Variants in NME5 observed in about 807,000 individuals in gnomAD.
NME5 encodes NME/NM23 family member 5, also known as nucleoside diphosphate kinase 5.
NME5 carries 18 observed loss-of-function variants against 21.6 expected under a neutral mutation model. The observed-to-expected ratio is 0.83, with a 90% CI of 0.58 to 1.24. The LOEUF (loss-of-function observed/expected upper bound fraction) is 1.24. NME5 is among the 50% of genes most tolerant of loss of function. The pLI, the probability that NME5 is intolerant of heterozygous loss-of-function variation, is 0.00. For synonymous variants in NME5, 70 were observed against 80.6 expected (o/e 0.87, Z 0.71); for missense variants, 223 against 255.4 (o/e 0.87, Z 0.86).
intron 4 of NME5, among the ~76,000 whole-genome samples, chr5:138,127,078 G>C (rs1308609710): frequency 6.6e-6 from 1 of 152,110 alleles, no homozygotes; most frequent in African/African-American, 2.4e-5. Flanking sequence ...CCAGTGTTTG[G>C]GGAGGCTGAG....
chr5:138,139,074 G>A (rs1751802127), intron 1 of NME5: 1 of 188,092 alleles, frequency 5.3e-6, no homozygotes, highest in African/African-American at 2.4e-5. Context: ...GCGACCCGAA[G>A]GCCTGGAACC....
intron 4 of NME5, among the ~76,000 whole-genome samples, chr5:138,119,918 T>A (rs1333887679): frequency 6.6e-6 from 1 of 151,198 alleles, no homozygotes; most frequent in African/African-American, 2.4e-5. Flanking sequence ...ACCTATCTTT[T>A]CATATTTTTA....
In NME5 at chr5:138,129,289, T is replaced by G. The variant is rs142506477; in HGVS notation, c.309A>C (p.Leu103Phe). 246 of 1,613,698 alleles carry G rather than the reference T, an allele frequency of 1.5e-4. 1 individual carries two copies. Among genetic ancestry groups the G allele is most frequent in the Admixed American group, 6.7e-5 (4 of 59,992 alleles). Residue 103 changes from leucine to phenylalanine, a missense_variant, in exon 3 of 6, where the codon TTA becomes TTC. Physicochemically the swap from Leu to Phe is conservative, Grantham distance 22. Transcript: ENST00000265191. ...WLELLGPNNSLVAKETHPDSL... is the reference protein window; with the variant it reads ...WLELLGPNNSFVAKETHPDSL... ...TGTCTGGATGTGTCTCCTTCGCTACTAAGCTATTATTTGGTCCCAAAAGTT... is the reference window on the plus strand; with the variant it reads ...TGTCTGGATGTGTCTCCTTCGCTACGAAGCTATTATTTGGTCCCAAAAGTT...
intron 4 of NME5, among the ~76,000 whole-genome samples, chr5:138,124,239 G>A (rs1034137759): frequency 1.3e-5 from 2 of 151,820 alleles, no homozygotes; most frequent in Non-Finnish European, 2.9e-5. Flanking sequence ...CTGACCTCAG[G>A]TGATCTGCCA....
chr5:138,129,527 T>C, intron 2 of NME5, 59 bp from the exon 3 acceptor site: 3 of 1,202,098 alleles, frequency 2.5e-6, no homozygotes, highest in South Asian at 2.5e-5. Context: ...GATAGCTCAT[T>C]AAAATCATTA....
rs78268440 is a variant in NME5, at chr5:138,128,191, C to T, written c.436+288G>A. ...AGATTGTGCCACTGCACTTCAGCGTCGGCGACAGTGAGACACTGTCTTAAA... is the reference window on the plus strand; with the variant it reads ...AGATTGTGCCACTGCACTTCAGCGTTGGCGACAGTGAGACACTGTCTTAAA... On this transcript the variant is annotated intron_variant, in intron 4 of 5. Coordinates refer to ENST00000265191, the MANE Select transcript of NME5 (RefSeq NM_003551.3). 8.2e-3 allele frequency among the ~76,000 whole-genome samples: 1,241 copies of T among 151,998 alleles called. 47 individuals are homozygous for T. The East Asian group carries it at 0.12, about 15-fold the overall frequency.
At chr5:138,138,882 T>C (rs945455257) in intron 1 of NME5, 97 bp from the exon 2 acceptor site, 1 of 1,133,820 alleles carries the variant, frequency 8.8e-7, no homozygotes, top group Non-Finnish European at 1.3e-6. Context: ...TAATTATGAT[T>C]AAGAATAGCA....
chr5:138,121,667 T>C (rs1416716542), intron 4 of NME5, among the ~76,000 whole-genome samples: 1 of 152,194 alleles, frequency 6.6e-6, no homozygotes, highest in Non-Finnish European at 1.5e-5. Flanking sequence ...TATCTTTATA[T>C]CACTGTCATA....
chr5:138,127,753 TGA>T, intron 4 of NME5: 1 of 856,496 alleles, frequency 1.2e-6, no homozygotes, highest in Non-Finnish European at 1.4e-6. Context: ...CTCAATTGCA[TGA>T]GACTTTGTTA....
At chr5:138,134,224 G>A (rs1751638945) in intron 2 of NME5, among the ~76,000 whole-genome samples, 1 of 151,110 alleles carries the variant, frequency 6.6e-6, no homozygotes, top group Non-Finnish European at 1.5e-5. Context: ...ACAGGCATGC[G>A]CCACCACGCC....
intron 2 of NME5, among the ~76,000 whole-genome samples, chr5:138,135,549 G>A (rs1751680404): frequency 6.6e-6 from 1 of 151,768 alleles, no homozygotes; most frequent in Admixed American, 6.6e-5. Context: ...TGGTCAGGCT[G>A]GTCTCCAACT....
intron 4 of NME5, among the ~76,000 whole-genome samples, chr5:138,126,548 AAAAGAAAG>A (rs999321617): frequency 1.3e-5 from 2 of 150,262 alleles, no homozygotes; most frequent in African/African-American, 4.9e-5. Context: ...AAAGAAAGCG[AAAAGAAAG>A]AAAATTACAG....
chr5:138,118,005 A>G (rs938733623), intron 5 of NME5, among the ~76,000 whole-genome samples: 12 of 152,216 alleles, frequency 7.9e-5, no homozygotes, highest in African/African-American at 2.9e-4. Flanking sequence ...ATAATAAATA[A>G]ATAAAACACA....
Position 138,129,329 on chromosome 5 carries a change from A to G in NME5, c.269T>C (p.Ile90Thr). Residue 90 changes from isoleucine to threonine, a missense_variant, in exon 3 of 6, where the codon ATC becomes ACC. Physicochemically the swap from Ile to Thr is moderately conservative, Grantham distance 89. Transcript: ENST00000265191. ...VAMILARHKAISYWLELLGPN... is the reference protein window; with the variant it reads ...VAMILARHKATSYWLELLGPN... ...TCCCAAAAGTTCTAACCAATAAGAG[A>G]TGGCTTTATGTCTAGCTAATATCAT... 1.2e-6 allele frequency: 2 copies of G among 1,614,046 alleles called. No individual in the cohort carries two copies. Among genetic ancestry groups the G allele is most frequent in the Non-Finnish European group, 1.7e-6 (2 of 1,179,978 alleles).
intron 4 of NME5, among the ~76,000 whole-genome samples, chr5:138,119,291 C>T (rs1379065563): frequency 6.6e-6 from 1 of 152,104 alleles, no homozygotes; most frequent in Non-Finnish European, 1.5e-5. Flanking sequence ...CTGCAACCTC[C>T]AACTCCTGAG....
At chr5:138,122,658 T>C (rs1212998514) in intron 4 of NME5, among the ~76,000 whole-genome samples, 1 of 134,264 alleles carries the variant, frequency 7.4e-6, no homozygotes, top group Non-Finnish European at 1.5e-5. Context: ...CAGGTACTAA[T>C]CATTAAACAA....
At chr5:138,138,521 T>A in intron 2 of NME5, 131 bp downstream of exon 2, 1 of 747,242 alleles carries the variant, frequency 1.3e-6, no homozygotes, top group East Asian at 2.9e-5. Context: ...ATATAACTTT[T>A]ATACTTAGAA....
chr5:138,127,793 G>A (rs757710629), intron 4 of NME5: 6 of 545,634 alleles, frequency 1.1e-5, no homozygotes, highest in Non-Finnish European at 1.4e-5. Flanking sequence ...TACAGAAGAC[G>A]GTAAATCAAA....
At chr5:138,129,207 T>C in intron 3 of NME5, 56 bp downstream of exon 3, 1 of 1,348,510 alleles carries the variant, frequency 7.4e-7, no homozygotes, top group Non-Finnish European at 1.0e-6. Flanking sequence ...GATTTTTTTT[T>C]TTCATTTTCA....
Sources: gnomAD v4.1 joint callset for allele counts (sites outside exome capture counted in the v4.1 genomes callset) on GRCh38, gnomAD v4.1.1 for gene constraint, MANE v1.5 for transcripts, NCBI Gene and HGNC (gene_info 2026-07-23, HGNC 2026-07-21) for gene names.